MBNL1: variants seen among roughly 807,000 people sequenced by gnomAD.
MBNL1 encodes muscleblind like splicing regulator 1, also known as muscleblind-like protein 1.
Under a neutral mutation model 42.2 loss-of-function variants are expected in MBNL1, and 8 were observed. The ratio of observed to expected loss-of-function variants is 0.19; its 90% confidence interval spans 0.11 to 0.34. The LOEUF (loss-of-function observed/expected upper bound fraction) is 0.34. Ranked by LOEUF, MBNL1 falls within the 10% of genes least tolerant of loss-of-function variation. The pLI is 1.00. For missense variants in MBNL1, 309 were observed against 495.3 expected (o/e 0.62, Z 3.57); for synonymous variants, 169 against 173.9 (o/e 0.97, Z 0.22).
chr3:152,351,761 A>G (rs1443371238), intron 2 of MBNL1, among the ~76,000 whole-genome samples: 1 of 152,166 alleles, frequency 6.6e-6, no homozygotes, highest in African/African-American at 2.4e-5. Context: ...GGTTACTTAA[A>G]ATTCTTTGCT....
intron 1 of MBNL1, among the ~76,000 whole-genome samples, chr3:152,285,832 C>A (rs563376584): frequency 6.6e-6 from 1 of 151,870 alleles, no homozygotes; most frequent in East Asian, 1.9e-4. Context: ...CTGTGTTGTT[C>A]AGGCTGGTCT....
At chr3:152,328,156 A>G (rs1281693175) in intron 2 of MBNL1, among the ~76,000 whole-genome samples, 2 of 152,124 alleles carry the variant, frequency 1.3e-5, no homozygotes, top group Non-Finnish European at 2.9e-5. Flanking sequence ...TGTTTTGCCA[A>G]GATTTATTAA....
At chr3:152,424,997 G>A (rs2153708972) in intron 3 of MBNL1, among the ~76,000 whole-genome samples, 2 of 152,248 alleles carry the variant, frequency 1.3e-5, no homozygotes, top group Admixed American at 1.3e-4. Context: ...ACATAGGCAT[G>A]GGCAAAGACT....
At chr3:152,289,273 T>C (rs115954715) in intron 1 of MBNL1, among the ~76,000 whole-genome samples, 2,131 of 152,232 alleles carry the variant, frequency 0.014, 43 homozygotes, top group African/African-American at 0.049. Flanking sequence ...TGGAGTAATA[T>C]ATAATTGTTA....
rs904541999 is a variant in MBNL1 at position 152,319,853 on chromosome 3, A to C, written c.174+19486A>C. 3.3e-5 allele frequency among the ~76,000 whole-genome samples: 5 copies of C among 152,036 alleles called. No homozygotes were observed. The South Asian group carries it at 1.0e-3, about 31-fold the overall frequency. On this transcript the variant is annotated intron_variant, in intron 2 of 9. Coordinates refer to ENST00000324210, the MANE Select transcript of MBNL1 (RefSeq NM_021038.5). ...TAGTCAACCTGTGGTCGCAATTGAC[A>C]GAAGAGTTTAATTCTTTCTTTGTGC...
At chr3:152,331,444 T>TAA (rs1327188653) in intron 2 of MBNL1, among the ~76,000 whole-genome samples, 2 of 152,224 alleles carry the variant, frequency 1.3e-5, no homozygotes, top group African/African-American at 4.8e-5. Context: ...ACTTTTAGGA[T>TAA]GCTAGTTCAT....
Position 152,299,629 on chromosome 3 carries a change from AAAGT to A in MBNL1, c.-561_-558del, listed in dbSNP as rs2059959587. On this transcript the variant is annotated 5_prime_UTR_variant, in exon 2 of 10. Transcript: ENST00000324210. The stretch of plus-strand genomic sequence containing the variant: ...AGTGTTAAAAGAAAAGTTTGCTGAA[AAAGT>A]AAGATATCTTCTGCCAGGAAATCAA... 2 of 398,766 alleles carry A rather than the reference AAAGT, an allele frequency of 5.0e-6. No individual in the cohort carries two copies. The highest frequency in any genetic ancestry group is 8.8e-6 in the Non-Finnish European group (2 of 226,044). 24.7% of individuals were successfully genotyped at this position (398,766 alleles called of 1,614,324 possible).
At chr3:152,421,300 G>A (rs2098800869) in intron 3 of MBNL1, among the ~76,000 whole-genome samples, 1 of 152,090 alleles carries the variant, frequency 6.6e-6, no homozygotes, top group African/African-American at 2.4e-5. Context: ...TGCCCAGAAT[G>A]CCATCAAGAC....
chr3:152,312,818 G>A (rs1263814083), intron 2 of MBNL1, among the ~76,000 whole-genome samples: 2 of 152,126 alleles, frequency 1.3e-5, no homozygotes, highest in African/African-American at 2.4e-5. Context: ...TTTTCTGAGT[G>A]TCTAGATTGG....
chr3:152,300,108 CTTT>C lies in MBNL1; in HGVS notation c.-77_-75del. On this transcript the variant is annotated 5_prime_UTR_variant, in exon 2 of 10. Coordinates refer to ENST00000324210, the MANE Select transcript of MBNL1 (RefSeq NM_021038.5). ...GGGGACATTTTCATCATCAGTTCAG[CTTT>C]TTTTTTTTGGTTGTTGCTCTTTTTT... 3 of 669,616 alleles carry C rather than the reference CTTT, an allele frequency of 4.5e-6. No homozygotes were observed. The highest frequency in any genetic ancestry group is 2.4e-5 in the South Asian group (1 of 41,548). 41.5% of individuals were successfully genotyped at this position (669,616 alleles called of 1,614,324 possible). A position where few individuals can be genotyped will look rare whatever the true frequency, so the allele number is the denominator to read the frequency against.
chr3:152,251,917 C>T (rs2034620460), intron 2 of MBNL1, among the ~76,000 whole-genome samples: 1 of 152,088 alleles, frequency 6.6e-6, no homozygotes, highest in Non-Finnish European at 1.5e-5. Context: ...GATGGCTTTA[C>T]AACTTCAGCA....
intron 1 of MBNL1, among the ~76,000 whole-genome samples, chr3:152,286,165 G>C (rs1435811629): frequency 6.6e-6 from 1 of 150,784 alleles, no homozygotes; most frequent in Non-Finnish European, 1.5e-5. Context: ...TAAATTCCAA[G>C]GACTAGGTTT....
intron 2 of MBNL1, among the ~76,000 whole-genome samples, chr3:152,384,926 G>A (rs17370233): frequency 0.071 from 10,823 of 152,098 alleles, 508 homozygotes; most frequent in Middle Eastern, 0.16. Flanking sequence ...CAATGGAAAT[G>A]TTCCCGTAAA....
intron 2 of MBNL1, among the ~76,000 whole-genome samples, chr3:152,359,315 A>G (rs996929757): frequency 1.3e-5 from 2 of 152,212 alleles, no homozygotes; most frequent in African/African-American, 2.4e-5. Flanking sequence ...CATTTCTCAC[A>G]TAATTTTTAT....
intron 2 of MBNL1, among the ~76,000 whole-genome samples, chr3:152,364,870 T>C (rs1335490168): frequency 1.3e-5 from 2 of 152,048 alleles, no homozygotes; most frequent in East Asian, 3.8e-4. Flanking sequence ...CTGCTTTTTT[T>C]TTTTCATAAC....
In MBNL1 at chr3:152,373,500, T is replaced by C. The variant is rs369360980; in HGVS notation, c.175-41441T>C. Among the ~76,000 whole-genome samples, 55 of 152,190 alleles carry C rather than the reference T, an allele frequency of 3.6e-4. No individual in the cohort carries two copies. In the East Asian group the frequency reaches 5.2e-3, roughly 14 times the overall value. On this transcript the variant is annotated intron_variant, in intron 2 of 9. Transcript: ENST00000324210. Reference sequence around the variant, plus strand: ...TAAAGACCATGGGAAAAGCATAGTATCTGGGTTGGAATGCACCATTCCTCA... The same window carrying C: ...TAAAGACCATGGGAAAAGCATAGTACCTGGGTTGGAATGCACCATTCCTCA...
intron 3 of MBNL1, among the ~76,000 whole-genome samples, chr3:152,428,610 CCTTA>C: frequency 6.6e-6 from 1 of 152,262 alleles, no homozygotes; most frequent in South Asian, 2.1e-4. Flanking sequence ...TCCTTAGAGA[CCTTA>C]CTTACAGTCA....
intron 2 of MBNL1, among the ~76,000 whole-genome samples, chr3:152,376,257 G>A (rs1361949839): frequency 6.6e-6 from 1 of 151,998 alleles, no homozygotes; most frequent in Non-Finnish European, 1.5e-5. Flanking sequence ...TTTTTTTCTT[G>A]AGAAAAGACT....
At chr3:152,422,819 A>C (rs1452927923) in intron 3 of MBNL1, among the ~76,000 whole-genome samples, 1 of 152,254 alleles carries the variant, frequency 6.6e-6, no homozygotes, top group Non-Finnish European at 1.5e-5. Context: ...AACCACATGG[A>C]AACTGAACAA....
Sources: gnomAD v4.1 joint callset for allele counts (sites outside exome capture counted in the v4.1 genomes callset) on GRCh38, gnomAD v4.1.1 for gene constraint, MANE v1.5 for transcripts, NCBI Gene and HGNC (gene_info 2026-07-23, HGNC 2026-07-21) for gene names.